Variants in SRPK1 observed in about 807,000 individuals in gnomAD.
SRPK1 encodes the protein SRSF protein kinase 1, also known as SFRS protein kinase 1.
Under a neutral mutation model 89.5 loss-of-function variants are expected in SRPK1, and 52 were observed. The observed-to-expected ratio is 0.58, with a 90% CI of 0.46 to 0.73. SRPK1 has a LOEUF of 0.73. Ranked by LOEUF, SRPK1 falls within the 30% of genes least tolerant of loss-of-function variation. SRPK1 has a pLI of 0.00. For synonymous variants in SRPK1, 255 were observed against 270.2 expected (o/e 0.94, Z 0.55); for missense variants, 603 against 780.6 (o/e 0.77, Z 2.71).
In SRPK1 at chr6:35,842,606, T is replaced by TAAA; in HGVS notation, c.1621-5_1621-3dup. 4.5e-6 allele frequency: 6 copies of TAAA among 1,320,290 alleles called. No homozygotes were observed. Among genetic ancestry groups the TAAA allele is most frequent in the East Asian group, 2.8e-5 (1 of 35,976 alleles). The allele number at this position is 1,320,290 out of a possible 1,614,324, so 81.8% of individuals were successfully genotyped here. The stretch of plus-strand genomic sequence containing the variant: ...GTCACCTGTGGCCAGTTCAAAGGCC[T>TAAA]AAAAAAAAAAGAGGACAGTATATGA... On this transcript the variant is annotated splice_region_variant and splice_polypyrimidine_tract_variant and intron_variant, in intron 13 of 15. Coordinates refer to ENST00000373825, the MANE Select transcript of SRPK1 (RefSeq NM_003137.5).
At chr6:35,841,483 T>G (rs188512341) in intron 14 of SRPK1, among the ~76,000 whole-genome samples, 2 of 152,114 alleles carry the variant, frequency 1.3e-5, no homozygotes, top group Admixed American at 1.3e-4. Flanking sequence ...TGTAGTGATA[T>G]CTCAAAATAA....
intron 15 of SRPK1, 114 bp from the exon 16 acceptor site, chr6:35,835,602 A>G: frequency 2.2e-6 from 2 of 889,268 alleles, no homozygotes; most frequent in Non-Finnish European, 3.2e-6. Flanking sequence ...AAATTTTGCA[A>G]TCAGAATCTA....
At chr6:35,869,431 G>C in intron 11 of SRPK1, 51 bp downstream of exon 11, 1 of 1,558,272 alleles carries the variant, frequency 6.4e-7, no homozygotes, top group East Asian at 2.3e-5. Context: ...AGAAATCTGT[G>C]AATGTGTTGT....
intron 6 of SRPK1, among the ~76,000 whole-genome samples, chr6:35,880,782 A>T (rs1373797333): frequency 8.0e-6 from 1 of 124,832 alleles, no homozygotes; most frequent in African/African-American, 3.0e-5. Flanking sequence ...GGCCAGACAG[A>T]ATATTTGAAA....
chr6:35,921,074 C>G lies in SRPK1; in HGVS notation c.-18G>C. 1 of 1,518,370 alleles carries G rather than the reference C, an allele frequency of 6.6e-7. No homozygotes were observed. The highest frequency in any genetic ancestry group is 8.8e-7 in the Non-Finnish European group (1 of 1,132,946). 94.1% of individuals were successfully genotyped at this position (1,518,370 alleles called of 1,614,324 possible). A position where few individuals can be genotyped will look rare whatever the true frequency, so the allele number is the denominator to read the frequency against. Reference sequence around the variant, plus strand: ...CGCTCCATGGTGAGACCGGTAATCGCCAGGCGCCTGCGCACTCGAGTGGCG... The same window carrying G: ...CGCTCCATGGTGAGACCGGTAATCGGCAGGCGCCTGCGCACTCGAGTGGCG... On this transcript the variant is annotated 5_prime_UTR_variant, in exon 1 of 16. Coordinates refer to ENST00000373825, the MANE Select transcript of SRPK1 (RefSeq NM_003137.5).
intron 12 of SRPK1, among the ~76,000 whole-genome samples, chr6:35,858,721 C>T (rs901651789): frequency 6.6e-6 from 1 of 151,982 alleles, no homozygotes; most frequent in South Asian, 2.1e-4. Flanking sequence ...TGCATGTACT[C>T]TACAAAAAAG....
intron 11 of SRPK1, 31 bp from the exon 12 acceptor site, chr6:35,869,141 G>C (rs1769971903): frequency 6.4e-7 from 1 of 1,550,548 alleles, no homozygotes; most frequent in Non-Finnish European, 8.9e-7. Flanking sequence ...CAATAAGACT[G>C]TTCAATGAAC....
At chr6:35,919,505 T>C (rs952239346) in intron 2 of SRPK1, among the ~76,000 whole-genome samples, 3 of 152,224 alleles carry the variant, frequency 2.0e-5, no homozygotes, top group Non-Finnish European at 2.9e-5. Context: ...ACTATAAAGA[T>C]AATACATCTA....
intron 7 of SRPK1, 80 bp from the exon 8 acceptor site, chr6:35,872,808 A>T (rs1582009129): frequency 4.0e-5 from 4 of 100,496 alleles, no homozygotes; most frequent in Non-Finnish European, 3.4e-5. Context: ...ACATGACATT[A>T]AAAAAAAAAA....
chr6:35,908,096 A>G (rs1355002954), intron 2 of SRPK1, among the ~76,000 whole-genome samples: 2 of 152,126 alleles, frequency 1.3e-5, no homozygotes, highest in African/African-American at 2.4e-5. Context: ...TCTTTCCTTT[A>G]TATACCCGGT....
intron 2 of SRPK1, among the ~76,000 whole-genome samples, chr6:35,900,240 T>A (rs570360619): frequency 4.6e-5 from 7 of 152,142 alleles, no homozygotes; most frequent in African/African-American, 1.7e-4. Context: ...TCTCGCCTTA[T>A]GTGTAAAATG....
At chr6:35,859,125 A>G (rs78899674) in intron 12 of SRPK1, among the ~76,000 whole-genome samples, 122 of 152,310 alleles carry the variant, frequency 8.0e-4, no homozygotes, top group Admixed American at 1.6e-3. Flanking sequence ...TAAACATGGT[A>G]TGATCATGTA....
chr6:35,898,523 A>G (rs1770671294), intron 2 of SRPK1, among the ~76,000 whole-genome samples: 1 of 152,162 alleles, frequency 6.6e-6, no homozygotes, highest in South Asian at 2.1e-4. Context: ...AACTACTGAA[A>G]TAATTATTTT....
At chr6:35,852,628 T>G (rs1235281794) in intron 13 of SRPK1, among the ~76,000 whole-genome samples, 1 of 152,252 alleles carries the variant, frequency 6.6e-6, no homozygotes, top group African/African-American at 2.4e-5. Context: ...TATAACCACC[T>G]GCAGACATTT....
At chr6:35,858,321 A>T (rs893921803) in intron 12 of SRPK1, among the ~76,000 whole-genome samples, 1 of 152,144 alleles carries the variant, frequency 6.6e-6, no homozygotes, top group Non-Finnish European at 1.5e-5. Context: ...ATTCTTTTTA[A>T]CTGTGACACT....
chr6:35,920,391 G>A, intron 2 of SRPK1, 77 bp downstream of exon 2: 1 of 1,551,606 alleles, frequency 6.4e-7, no homozygotes, highest in Non-Finnish European at 8.9e-7. Flanking sequence ...CCCGGTGCAC[G>A]TTCAAGACGT....
At chr6:35,863,948 T>C (rs1030687119) in intron 12 of SRPK1, among the ~76,000 whole-genome samples, 4 of 152,102 alleles carry the variant, frequency 2.6e-5, no homozygotes, top group East Asian at 1.9e-4. Context: ...TTTCAAGATA[T>C]AGACAGTCAA....
chr6:35,873,865 C>T (rs1315018090), intron 7 of SRPK1, among the ~76,000 whole-genome samples: 6 of 151,374 alleles, frequency 4.0e-5, no homozygotes, highest in African/African-American at 1.2e-4. Context: ...CTCGCTCTGT[C>T]GCCCAGGCTG....
chr6:35,855,894 C>G (rs957644385), intron 13 of SRPK1, among the ~76,000 whole-genome samples: 3 of 152,198 alleles, frequency 2.0e-5, no homozygotes, highest in Admixed American at 6.5e-5. Flanking sequence ...ACCACCACGT[C>G]TGGCTAATTT....
Sources: allele counts gnomAD v4.1 joint callset (sites outside exome capture counted in the v4.1 genomes callset), GRCh38; gene constraint gnomAD v4.1.1; transcripts MANE v1.5; gene names NCBI Gene and HGNC (gene_info 2026-07-23, HGNC 2026-07-21).